The following SLC39A11 variants were observed in gnomAD, a reference collection of about 807,000 sequenced individuals.
SLC39A11 encodes zinc transporter ZIP11.
A neutral mutation model predicts 36.1 loss-of-function variants in SLC39A11; 33 were observed. The ratio of observed to expected loss-of-function variants is 0.91; its 90% CI spans 0.69 to 1.22. The LOEUF (loss-of-function observed/expected upper bound fraction) is 1.22. Among genes scored for constraint, SLC39A11 ranks in the 50% most tolerant of loss-of-function variants. SLC39A11 has a pLI of 0.00. For missense variants in SLC39A11, 432 were observed against 430.3 expected, an observed-to-expected ratio of 1.00 and a Z score of -0.03; for synonymous variants, 166 against 170.3, an observed-to-expected ratio of 0.97 and a Z score of 0.20.
At chr17:72,702,889 A>G (rs2072714349) in intron 7 of SLC39A11, among the ~76,000 whole-genome samples, 1 of 138,484 alleles carries the variant, frequency 7.2e-6, no homozygotes. Context: ...GTGAGCCAAG[A>G]TCACGCCACT....
chr17:72,941,672 T>C (rs1407991813), intron 5 of SLC39A11, among the ~76,000 whole-genome samples: 5 of 152,012 alleles, frequency 3.3e-5, no homozygotes, highest in Non-Finnish European at 4.4e-5. Flanking sequence ...CCCACCCTGA[T>C]AATGTTCCCA....
intron 3 of SLC39A11, among the ~76,000 whole-genome samples, chr17:73,039,711 GCC>G (rs1568171445): frequency 2.0e-5 from 3 of 152,128 alleles, no homozygotes; most frequent in Non-Finnish European, 4.4e-5. Flanking sequence ...GTGGAAAAGG[GCC>G]AACGCAGAAT....
At chr17:72,996,625 T>C (rs1398325673) in intron 4 of SLC39A11, among the ~76,000 whole-genome samples, 4 of 152,214 alleles carry the variant, frequency 2.6e-5, no homozygotes, top group Non-Finnish European at 5.9e-5. Context: ...TTGCTTCCCT[T>C]GTCTCTTCTC....
chr17:72,916,511 G>A (rs2083340976), intron 5 of SLC39A11, among the ~76,000 whole-genome samples: 1 of 152,028 alleles, frequency 6.6e-6, no homozygotes, highest in South Asian at 2.1e-4. Context: ...CTGTTACCAT[G>A]GCAGCAGCTG....
intron 5 of SLC39A11, among the ~76,000 whole-genome samples, chr17:72,945,537 G>A (rs954895631): frequency 6.6e-6 from 1 of 152,206 alleles, no homozygotes; most frequent in Non-Finnish European, 1.5e-5. Flanking sequence ...ACACCCACAG[G>A]TGTGTCCAGG....
At chr17:73,004,174 A>G (rs936729651) in intron 4 of SLC39A11, among the ~76,000 whole-genome samples, 4 of 68,070 alleles carry the variant, frequency 5.9e-5, no homozygotes, top group Admixed American at 1.6e-4. Context: ...AAAGAAAGAA[A>G]GAAAGAAAGA....
chr17:73,084,794 T>C lies in SLC39A11; in HGVS notation c.147+14A>G, dbSNP rs1366502860. 3 of 1,613,924 alleles carry C rather than the reference T, an allele frequency of 1.9e-6. No individual in the cohort carries two copies. The highest frequency in any genetic ancestry group is 1.7e-5 in the Admixed American group (1 of 60,014). Reference sequence around the variant, plus strand: ...ATGCCTCAATTTCCATTTCTCCTACTACATGCTACTTACCCCTGCAGCAAA... The same window carrying C: ...ATGCCTCAATTTCCATTTCTCCTACCACATGCTACTTACCCCTGCAGCAAA... On this transcript the variant is annotated intron_variant, in intron 3 of 9. Coordinates refer to ENST00000255559, the MANE Select transcript of SLC39A11 (RefSeq NM_139177.4).
intron 4 of SLC39A11, among the ~76,000 whole-genome samples, chr17:73,003,246 T>G (rs549691968): frequency 1.1e-4 from 16 of 152,348 alleles, no homozygotes; most frequent in African/African-American, 3.1e-4. Context: ...GAAGAGAAAC[T>G]TTACCTGCAA....
At chr17:72,870,775 A>G (rs2080570044) in intron 5 of SLC39A11, among the ~76,000 whole-genome samples, 1 of 152,234 alleles carries the variant, frequency 6.6e-6, no homozygotes, top group Non-Finnish European at 1.5e-5. Flanking sequence ...TAATGAGCCT[A>G]TGTTATCCTT....
chr17:72,750,409 A>G (rs977609387), intron 6 of SLC39A11, among the ~76,000 whole-genome samples: 5 of 135,806 alleles, frequency 3.7e-5, no homozygotes, highest in African/African-American at 1.3e-4. Context: ...ACACTTGACT[A>G]TGGAATACCT....
At chr17:72,873,273 C>T (rs1252178418) in intron 5 of SLC39A11, among the ~76,000 whole-genome samples, 1 of 152,036 alleles carries the variant, frequency 6.6e-6, no homozygotes, top group African/African-American at 2.4e-5. Flanking sequence ...TCAGCTGGGT[C>T]CTGTGACCTC....
intron 4 of SLC39A11, 117 bp from the exon 5 acceptor site, chr17:72,947,992 A>T: frequency 7.4e-7 from 1 of 1,352,844 alleles, no homozygotes; most frequent in Non-Finnish European, 1.0e-6. Flanking sequence ...GCCACAGCTG[A>T]GCCAGTCCTC....
chr17:72,946,475 G>A (rs1280197313), intron 5 of SLC39A11, among the ~76,000 whole-genome samples: 2 of 152,208 alleles, frequency 1.3e-5, no homozygotes, highest in Non-Finnish European at 2.9e-5. Context: ...AAGGGGTAGA[G>A]ATCATCTTAG....
At chr17:72,725,779 A>G (rs979780161) in intron 7 of SLC39A11, among the ~76,000 whole-genome samples, 13 of 152,240 alleles carry the variant, frequency 8.5e-5, no homozygotes, top group African/African-American at 2.7e-4. Flanking sequence ...GGAGCTGCCA[A>G]TAGATCACTC....
At chr17:72,818,345 G>C (rs1345560094) in intron 6 of SLC39A11, among the ~76,000 whole-genome samples, 1 of 152,144 alleles carries the variant, frequency 6.6e-6, no homozygotes, top group Admixed American at 6.5e-5. Context: ...CTATCTTGTA[G>C]CTCCTTGGAC....
chr17:73,084,707 G>A, intron 3 of SLC39A11, 101 bp downstream of exon 3: 1 of 1,056,660 alleles, frequency 9.5e-7, no homozygotes, highest in Non-Finnish European at 1.5e-6. Context: ...ACACAGAGAT[G>A]CATCTAGGTC....
intron 4 of SLC39A11, among the ~76,000 whole-genome samples, chr17:72,948,944 C>A (rs2085634947): frequency 6.6e-6 from 1 of 152,110 alleles, no homozygotes; most frequent in Admixed American, 6.6e-5. Flanking sequence ...TACAAATGCA[C>A]AGGATCTCAA....
intron 5 of SLC39A11, among the ~76,000 whole-genome samples, chr17:72,927,249 AT>A (rs1427601712): frequency 6.7e-6 from 1 of 149,822 alleles, no homozygotes; most frequent in Non-Finnish European, 1.5e-5. Flanking sequence ...TAAAAAAAAA[AT>A]GGGGTTTCGC....
At chr17:73,080,498 A>G (rs1171813303) in intron 3 of SLC39A11, among the ~76,000 whole-genome samples, 5 of 152,216 alleles carry the variant, frequency 3.3e-5, no homozygotes, top group African/African-American at 1.2e-4. Flanking sequence ...GATGGATCAA[A>G]GACTTAAATG....
Sources: allele counts gnomAD v4.1 joint callset (sites outside exome capture counted in the v4.1 genomes callset), GRCh38; gene constraint gnomAD v4.1.1; transcripts MANE v1.5; gene names NCBI Gene and HGNC (gene_info 2026-07-23, HGNC 2026-07-21).